Variants in TPTE2 observed in about 807,000 individuals in gnomAD.
TPTE2 encodes the protein phosphatidylinositol 3,4,5-trisphosphate 3-phosphatase TPTE2.
Under a neutral mutation model 78.6 loss-of-function variants are expected in TPTE2, and 53 were observed. The observed-to-expected ratio is 0.67, with a 90% confidence interval of 0.54 to 0.85. The LOEUF (loss-of-function observed/expected upper bound fraction) is 0.85, where lower values mean the gene tolerates loss of function less well. TPTE2 is among the 40% of genes least tolerant of loss of function. The probability of loss-of-function intolerance (pLI) is 0.00; values close to 1 mark genes in which losing one functional copy is unlikely to be tolerated. For missense variants in TPTE2, 461 were observed against 623.0 expected, an observed-to-expected ratio of 0.74 and a Z score of 2.77; for synonymous variants, 175 against 206.2, an observed-to-expected ratio of 0.85 and a Z score of 1.30.
intron 7 of TPTE2, 103 bp from the exon 11 acceptor site, chr13:19,465,667 C>T: frequency 1.0e-6 from 1 of 972,376 alleles, no homozygotes; most frequent in South Asian, 1.8e-5. Flanking sequence ...AATTTTCCCT[C>T]CTCTCCCCAA....
At chr13:19,515,345 C>T (rs960873277) in intron 1 of TPTE2, among the ~76,000 whole-genome samples, 1 of 152,154 alleles carries the variant, frequency 6.6e-6, no homozygotes, top group Non-Finnish European at 1.5e-5. Flanking sequence ...GTGAGAAACA[C>T]ATTTTGGAAA....
At chr13:19,484,531 C>T (rs1333755617) in intron 3 of TPTE2, among the ~76,000 whole-genome samples, 2 of 152,266 alleles carry the variant, frequency 1.3e-5, no homozygotes, top group Admixed American at 1.3e-4. Flanking sequence ...GATTTTCTGT[C>T]TAGATGATTT....
intron 3 of TPTE2, among the ~76,000 whole-genome samples, chr13:19,489,682 A>T (rs1880877287): frequency 6.6e-6 from 1 of 150,474 alleles, no homozygotes; most frequent in African/African-American, 2.4e-5. Context: ...ACATATTTAT[A>T]TATCTATATA....
At chr13:19,507,956 C>G (rs1265615344), upstream of TPTE2, among the ~76,000 whole-genome samples, 1 of 152,198 alleles carries the variant, frequency 6.6e-6, no homozygotes, top group East Asian at 1.9e-4. Context: ...CTATTAAACT[C>G]TGTTAAATTT....
intron 10 of TPTE2, among the ~76,000 whole-genome samples, chr13:19,460,287 C>T (rs910395125): frequency 2.0e-5 from 3 of 152,234 alleles, no homozygotes; most frequent in African/African-American, 7.2e-5. Context: ...TCACTGCTTC[C>T]CTTGGCTGGG....
At chr13:19,450,642 C>T (rs1055624964) in intron 11 of TPTE2, among the ~76,000 whole-genome samples, 1 of 152,076 alleles carries the variant, frequency 6.6e-6, no homozygotes, top group Non-Finnish European at 1.5e-5. Context: ...ACACAAGAGG[C>T]AAATGTAGCT....
intron 13 of TPTE2, among the ~76,000 whole-genome samples, chr13:19,447,874 T>C (rs1210276760): frequency 6.6e-6 from 1 of 152,200 alleles, no homozygotes. Context: ...CATTACACTA[T>C]AAAAATTCCA....
At chr13:19,489,664 A>T (rs1880875816) in intron 3 of TPTE2, among the ~76,000 whole-genome samples, 1 of 150,412 alleles carries the variant, frequency 6.6e-6, no homozygotes, top group South Asian at 2.1e-4. Context: ...ATATCTATAT[A>T]CACAAATACA....
chr13:19,541,685 T>C (rs191173163), upstream of TPTE2, among the ~76,000 whole-genome samples: 15 of 152,346 alleles, frequency 9.8e-5, 1 homozygote, highest in East Asian at 2.9e-3. Flanking sequence ...TACCAAACTT[T>C]TTTTTCTGCA....
At chr13:19,475,462 G>A in intron 5 of TPTE2, 111 bp downstream of exon 8, 1 of 1,212,184 alleles carries the variant, frequency 8.2e-7, no homozygotes, top group East Asian at 2.6e-5. Context: ...CTGACTTCAT[G>A]TGATCTGCCC....
intron 6 of TPTE2, among the ~76,000 whole-genome samples, chr13:19,471,670 T>G (rs1879621682): frequency 1.3e-5 from 2 of 152,238 alleles, no homozygotes; most frequent in Admixed American, 1.3e-4. Flanking sequence ...GATTGGCTCA[T>G]AGTTTAGTCT....
the TPTE2 span, among the ~76,000 whole-genome samples, chr13:19,546,055 G>A: frequency 3.9e-5 from 6 of 152,236 alleles, no homozygotes; most frequent in African/African-American, 1.4e-4. Flanking sequence ...GTAGCCAGCT[G>A]TTGTGGCATG....
At chr13:19,520,523 G>C (rs557063971) in intron 1 of TPTE2, among the ~76,000 whole-genome samples, 7 of 151,594 alleles carry the variant, frequency 4.6e-5, no homozygotes, top group African/African-American at 1.7e-4. Flanking sequence ...GGCTAGCTAA[G>C]CTATCAATTT....
intron 1 of TPTE2, among the ~76,000 whole-genome samples, chr13:19,511,859 TAA>T (rs140880516): frequency 1.3e-5 from 2 of 150,546 alleles, no homozygotes; most frequent in Middle Eastern, 3.4e-3. Context: ...CCACTTTTTT[TAA>T]AAAAAAAATC....
chr13:19,542,431 G>GT, the TPTE2 span, among the ~76,000 whole-genome samples: 2 of 152,078 alleles, frequency 1.3e-5, no homozygotes, highest in African/African-American at 4.8e-5. Context: ...AAATTTATTA[G>GT]TTTTTTTAAA....
chr13:19,525,468 T>C (rs1165266661), intron 1 of TPTE2, among the ~76,000 whole-genome samples: 6 of 152,166 alleles, frequency 3.9e-5, no homozygotes, highest in Non-Finnish European at 7.3e-5. Flanking sequence ...ACTCAACAAA[T>C]GGTGCTGGGA....
chr13:19,524,227 G>C lies in TPTE2; in HGVS notation c.-44+12369C>G, dbSNP rs117546779. 2.5e-3 allele frequency among the ~76,000 whole-genome samples: 378 copies of C among 152,282 alleles called. 8 individuals carry two copies. In the East Asian group the frequency reaches 0.048, roughly 19 times the overall value. ...TTAGTAGAAAAGACAAAGTTGGAAG[G>C]ATATGACAAGTGAACCAATAAGCAA... is the stretch of plus-strand genomic sequence containing the variant. On this transcript the variant is annotated intron_variant, in intron 1 of 17. Transcript: ENST00000390680.
At chr13:19,430,992 T>C (rs1295403082) in intron 16 of TPTE2, among the ~76,000 whole-genome samples, 1 of 151,886 alleles carries the variant, frequency 6.6e-6, no homozygotes, top group African/African-American at 2.4e-5. Flanking sequence ...CCAGGCGTGG[T>C]GGCACATGCC....
chr13:19,560,928 T>C, the TPTE2 span: 11 of 1,598,076 alleles, frequency 6.9e-6, no homozygotes, highest in East Asian at 2.2e-5. Context: ...CTGTACTCCA[T>C]ACTCCCCTGG....
Sources: allele counts gnomAD v4.1 joint callset (sites outside exome capture counted in the v4.1 genomes callset), GRCh38; gene constraint gnomAD v4.1.1; transcripts MANE v1.5; gene names NCBI Gene and HGNC (gene_info 2026-07-23, HGNC 2026-07-21).